The following HS2ST1 variants were observed in gnomAD, a reference collection of about 807,000 sequenced individuals.
The protein encoded by HS2ST1 is 2-O-sulfotransferase.
A neutral mutation model predicts 42.9 loss-of-function variants in HS2ST1; 18 were observed. The observed-to-expected ratio is 0.42, with a 90% confidence interval of 0.29 to 0.62. The LOEUF (loss-of-function observed/expected upper bound fraction) is 0.62, where lower values mean the gene tolerates loss of function less well. HS2ST1 is among the 20% of genes least tolerant of loss of function. The pLI is 0.21. For synonymous variants in HS2ST1, 146 were observed against 152.9 expected (o/e 0.95, Z 0.33); for missense variants, 334 against 433.8 (o/e 0.77, Z 2.04).
intron 1 of HS2ST1, among the ~76,000 whole-genome samples, chr1:87,014,269 T>C (rs1202676587): frequency 6.6e-6 from 1 of 152,076 alleles, no homozygotes; most frequent in Non-Finnish European, 1.5e-5. Context: ...ACAATCATGG[T>C]GGAAGGTGAA....
At chr1:86,964,456 C>G (rs1010216491) in intron 1 of HS2ST1, among the ~76,000 whole-genome samples, 1 of 152,194 alleles carries the variant, frequency 6.6e-6, no homozygotes, top group Admixed American at 6.5e-5. Flanking sequence ...GCCAACACAG[C>G]GAAACCCCGT....
intron 1 of HS2ST1, among the ~76,000 whole-genome samples, chr1:87,041,460 CT>C (rs1650522107): frequency 6.6e-6 from 1 of 151,812 alleles, no homozygotes; most frequent in Admixed American, 6.6e-5. Context: ...TGTTATGAAC[CT>C]TCCCCCGCCC....
chr1:86,917,348 A>G (rs1660184028), intron 1 of HS2ST1, among the ~76,000 whole-genome samples: 1 of 152,106 alleles, frequency 6.6e-6, no homozygotes, highest in Non-Finnish European at 1.5e-5. Context: ...GTGAAACCCT[A>G]TCTCTACTAA....
chr1:87,051,882 T>C lies in HS2ST1; in HGVS notation c.125-21052T>C, dbSNP rs190315927. On this transcript the variant is annotated intron_variant, in intron 1 of 6. Transcript: ENST00000370550. ...TAGAATATTAATACCTGTGACTAATTTTTAAAGATTCATGAAAAATACAAA... is the reference window on the plus strand; with the variant it reads ...TAGAATATTAATACCTGTGACTAATCTTTAAAGATTCATGAAAAATACAAA... Among the ~76,000 whole-genome samples the C allele has an allele frequency of 1.3e-3, 202 of 152,334 alleles. 1 individual carries two copies. Among genetic ancestry groups the C allele is most frequent in the African/African-American group, 4.7e-3 (195 of 41,576 alleles).
intron 5 of HS2ST1, among the ~76,000 whole-genome samples, chr1:87,100,281 C>A (rs1201938708): frequency 6.6e-6 from 1 of 152,168 alleles, no homozygotes; most frequent in African/African-American, 2.4e-5. Flanking sequence ...CTTAACACCA[C>A]CTGGAAACCA....
chr1:87,102,245 A>G (rs1652230803), intron 5 of HS2ST1, among the ~76,000 whole-genome samples: 1 of 152,000 alleles, frequency 6.6e-6, no homozygotes, highest in Non-Finnish European at 1.5e-5. Context: ...TTTAGTAGAG[A>G]TGGGGTTTCT....
At chr1:86,964,166 G>A (rs1647962071) in intron 1 of HS2ST1, among the ~76,000 whole-genome samples, 1 of 152,026 alleles carries the variant, frequency 6.6e-6, no homozygotes, top group Non-Finnish European at 1.5e-5. Flanking sequence ...TGGCGGCCGG[G>A]AAGAGGCGCT....
chr1:87,044,024 T>A (rs1238849559), intron 1 of HS2ST1, among the ~76,000 whole-genome samples: 4 of 152,080 alleles, frequency 2.6e-5, no homozygotes, highest in African/African-American at 9.7e-5. Flanking sequence ...TCTTTGATAA[T>A]CTATATTCAG....
intron 1 of HS2ST1, among the ~76,000 whole-genome samples, chr1:87,051,960 A>G (rs909147350): frequency 2.0e-5 from 3 of 152,214 alleles, no homozygotes; most frequent in Non-Finnish European, 4.4e-5. Context: ...TGTAAAATAT[A>G]AAAAGTTTTA....
chr1:86,946,334 A>G (rs1208305723), intron 1 of HS2ST1, among the ~76,000 whole-genome samples: 1 of 152,226 alleles, frequency 6.6e-6, no homozygotes, highest in African/African-American at 2.4e-5. Flanking sequence ...TGCTGTACAG[A>G]TAAGGCAAAT....
At chr1:87,054,684 G>A (rs1382658976) in intron 1 of HS2ST1, among the ~76,000 whole-genome samples, 1 of 152,144 alleles carries the variant, frequency 6.6e-6, no homozygotes, top group Non-Finnish European at 1.5e-5. Flanking sequence ...TCTAGGTAGG[G>A]CCATATGACT....
At chr1:86,929,033 A>G (rs373013103) in intron 1 of HS2ST1, among the ~76,000 whole-genome samples, 3 of 151,988 alleles carry the variant, frequency 2.0e-5, no homozygotes, top group Non-Finnish European at 4.4e-5. Flanking sequence ...ACAATAACTA[A>G]CAGTTATGGA....
At chr1:86,996,310 C>G (rs913003482) in intron 1 of HS2ST1, among the ~76,000 whole-genome samples, 1 of 152,078 alleles carries the variant, frequency 6.6e-6, no homozygotes, top group Admixed American at 6.5e-5. Context: ...GTCATGGTGG[C>G]ACATCCCGGT....
At chr1:86,947,742 G>A (rs778802455) in intron 1 of HS2ST1, among the ~76,000 whole-genome samples, 1 of 152,116 alleles carries the variant, frequency 6.6e-6, no homozygotes, top group African/African-American at 2.4e-5. Flanking sequence ...TATATGCTGG[G>A]TGTGTTTATA....
At chr1:86,928,426 A>G (rs755487380) in intron 1 of HS2ST1, among the ~76,000 whole-genome samples, 7 of 152,134 alleles carry the variant, frequency 4.6e-5, no homozygotes, top group Admixed American at 2.6e-4. Flanking sequence ...TTCTTGAACT[A>G]TATTTAGATT....
intron 1 of HS2ST1, among the ~76,000 whole-genome samples, chr1:86,930,920 A>G (rs1660528373): frequency 6.6e-6 from 1 of 151,994 alleles, no homozygotes; most frequent in South Asian, 2.1e-4. Flanking sequence ...AAGTGATTAA[A>G]TTTTGGGCAT....
At chr1:87,046,273 C>G (rs1650663160) in intron 1 of HS2ST1, 1 of 748,226 alleles carries the variant, frequency 1.3e-6, no homozygotes, top group Non-Finnish European at 2.5e-6. Context: ...GAATGTCATC[C>G]TAAGCCAACC....
chr1:86,943,319 G>C (rs1647223941), intron 1 of HS2ST1, among the ~76,000 whole-genome samples: 1 of 152,152 alleles, frequency 6.6e-6, no homozygotes, highest in South Asian at 2.1e-4. Context: ...ATTGAAACGA[G>C]AAGAAATTAT....
At position 87,085,194 on chromosome 1, in the gene HS2ST1, C is replaced by G. The variant is rs1314343592; in HGVS notation, c.449+915C>G. 6.6e-5 allele frequency among the ~76,000 whole-genome samples: 10 copies of G among 152,172 alleles called. No individual in the cohort carries two copies. In the East Asian group the frequency reaches 1.2e-3, roughly 18 times the overall value. ...AGATTCTGCATTAACTTCAAAAACA[C>G]TAAAAAAATTTTTTTTATTATTTAG... On this transcript the variant is annotated intron_variant, in intron 3 of 6. Transcript: ENST00000370550.
Sources: gnomAD v4.1 joint callset for allele counts (sites outside exome capture counted in the v4.1 genomes callset) on GRCh38, gnomAD v4.1.1 for gene constraint, MANE v1.5 for transcripts, NCBI Gene and HGNC (gene_info 2026-07-23, HGNC 2026-07-21) for gene names.